Variants in ADK observed in about 807,000 individuals in gnomAD.
The protein encoded by ADK is N6,N6-dimethyladenosine kinase.
A neutral mutation model predicts 44.7 loss-of-function variants in ADK; 24 were observed. The observed-to-expected ratio is 0.54, with a 90% CI of 0.39 to 0.76. The LOEUF is 0.76. Among genes scored for constraint, ADK ranks in the 30% least tolerant of loss-of-function variants. ADK has a pLI of 0.00. For synonymous variants in ADK, 128 were observed against 142.6 expected, an observed-to-expected ratio of 0.90 and a Z score of 0.73; for missense variants, 321 against 425.1, an observed-to-expected ratio of 0.76 and a Z score of 2.15.
At chr10:74,152,124 C>T (rs1841612681) in intron 1 of ADK, among the ~76,000 whole-genome samples, 1 of 152,106 alleles carries the variant, frequency 6.6e-6, no homozygotes, top group Non-Finnish European at 1.5e-5. Flanking sequence ...TTAAAATAGA[C>T]ATATCAAACT....
At chr10:74,354,642 T>C (rs1416327913) in intron 4 of ADK, among the ~76,000 whole-genome samples, 2 of 152,142 alleles carry the variant, frequency 1.3e-5, no homozygotes, top group Non-Finnish European at 2.9e-5. Context: ...ACCACCAGGT[T>C]TGGTGGGAAC....
chr10:74,652,829 C>T (rs1387426676), intron 9 of ADK, among the ~76,000 whole-genome samples: 3 of 151,824 alleles, frequency 2.0e-5, no homozygotes, highest in East Asian at 3.9e-4. Context: ...ACAGTCAGCT[C>T]ATAGCAAACC....
intron 3 of ADK, among the ~76,000 whole-genome samples, chr10:74,237,198 C>A (rs7905039): frequency 0.018 from 2,796 of 152,298 alleles, 95 homozygotes; most frequent in African/African-American, 0.064. Context: ...GTTACTTTAT[C>A]AACTTAAGTT....
At chr10:74,288,955 A>G (rs575223782) in intron 3 of ADK, among the ~76,000 whole-genome samples, 6 of 152,326 alleles carry the variant, frequency 3.9e-5, no homozygotes, top group African/African-American at 1.4e-4. Flanking sequence ...ACTGTATTGC[A>G]GCTGATTTGG....
intron 7 of ADK, among the ~76,000 whole-genome samples, chr10:74,542,898 T>G (rs941824427): frequency 1.3e-4 from 19 of 151,454 alleles, no homozygotes; most frequent in African/African-American, 4.4e-4. Flanking sequence ...ATTTATTTAT[T>G]TATTTATTTA....
chr10:74,533,591 C>T (rs1477703096), intron 7 of ADK, among the ~76,000 whole-genome samples: 1 of 152,196 alleles, frequency 6.6e-6, no homozygotes, highest in African/African-American at 2.4e-5. Flanking sequence ...ACGCAAACTT[C>T]AACCCACGTA....
At chr10:74,467,358 G>A (rs559113359) in intron 6 of ADK, among the ~76,000 whole-genome samples, 45 of 152,176 alleles carry the variant, frequency 3.0e-4, no homozygotes, top group South Asian at 1.0e-3. Context: ...TGCCATTTCT[G>A]GACATCTCTA....
intron 6 of ADK, among the ~76,000 whole-genome samples, chr10:74,476,653 A>G (rs1427389568): frequency 6.6e-6 from 1 of 152,148 alleles, no homozygotes; most frequent in Non-Finnish European, 1.5e-5. Context: ...ACTTTCAGTA[A>G]GTTTATTTCA....
intron 1 of ADK, among the ~76,000 whole-genome samples, chr10:74,192,281 G>A (rs1842978244): frequency 6.6e-6 from 1 of 151,576 alleles, no homozygotes; most frequent in Non-Finnish European, 1.5e-5. Flanking sequence ...AGGCTGGAGT[G>A]CAGTGCCGCG....
chr10:74,398,280 T>C lies in ADK; in HGVS notation c.447-191T>C, dbSNP rs78433410. 1.2e-3 allele frequency among the ~76,000 whole-genome samples: 175 copies of C among 152,172 alleles called. 1 individual carries two copies. In the East Asian group the frequency reaches 0.012, roughly 11 times the overall value. On this transcript the variant is annotated intron_variant, in intron 5 of 10. Transcript: ENST00000539909. The stretch of plus-strand genomic sequence containing the variant: ...ACCAGGTGTTGTTTAGAACAAAAAT[T>C]ATCATAGATGCCTCAGAAAGTTCTC...
At position 74,708,792 on chromosome 10, in the gene ADK, G is replaced by T. The variant is rs1057210925; in HGVS notation, c.*347G>T. 4.2e-6 allele frequency: 1 copy of T among 238,536 alleles called. No individual in the cohort carries two copies. The highest frequency in any genetic ancestry group is 1.1e-4 in the East Asian group (1 of 8,804). 14.8% of individuals were successfully genotyped at this position (238,536 alleles called of 1,614,324 possible). A position where few individuals can be genotyped will look rare whatever the true frequency, so the allele number is the denominator to read the frequency against. ...TTTTTACATTTCTGCTTTGAATGCA[G>T]ATGCAATTTAATATAATAGATTTTT... On this transcript the variant is annotated 3_prime_UTR_variant, in exon 11 of 11. Transcript: ENST00000539909.
chr10:74,435,108 G>T (rs1463240343), intron 6 of ADK, among the ~76,000 whole-genome samples: 1 of 152,152 alleles, frequency 6.6e-6, no homozygotes, highest in African/African-American at 2.4e-5. Flanking sequence ...GGGTGAGAGG[G>T]AAGGTTTGCT....
chr10:74,266,281 G>A (rs1398147375), intron 3 of ADK, among the ~76,000 whole-genome samples: 1 of 152,028 alleles, frequency 6.6e-6, no homozygotes, highest in African/African-American at 2.4e-5. Flanking sequence ...AAAGGCGGCC[G>A]GGCACAGTGG....
intron 3 of ADK, among the ~76,000 whole-genome samples, chr10:74,296,073 T>A (rs1451052613): frequency 1.3e-5 from 2 of 151,954 alleles, no homozygotes; most frequent in African/African-American, 4.8e-5. Context: ...CTCCTTTTTT[T>A]TTTTTTTTTA....
chr10:74,260,255 TTTTG>T (rs533466731), intron 3 of ADK, among the ~76,000 whole-genome samples: 2 of 152,152 alleles, frequency 1.3e-5, no homozygotes, highest in Admixed American at 6.5e-5. Context: ...TTATAGATTC[TTTTG>T]TTTGTTTGTT....
chr10:74,204,613 C>A (rs1300516464), intron 2 of ADK, among the ~76,000 whole-genome samples: 1 of 152,142 alleles, frequency 6.6e-6, no homozygotes, highest in East Asian at 1.9e-4. Context: ...CTAAGACATT[C>A]AGATAGAAAC....
intron 7 of ADK, among the ~76,000 whole-genome samples, chr10:74,570,257 G>A (rs949386401): frequency 1.3e-5 from 2 of 152,112 alleles, no homozygotes; most frequent in African/African-American, 2.4e-5. Context: ...GGCGATGCGG[G>A]CTCTTTTTTG....
rs542469633 is a variant in ADK at position 74,367,124 on chromosome 10, A to G, written c.274-27017A>G. ...TAGAAAGCATAAAAACTGCAAATGC[A>G]TTATATCCTCCATGAAACCAGCTTT... On this transcript the variant is annotated intron_variant, in intron 4 of 10. Coordinates refer to ENST00000539909, the MANE Select transcript of ADK (RefSeq NM_006721.4). Among the ~76,000 whole-genome samples the G allele has an allele frequency of 4.6e-5, 7 of 152,320 alleles. No homozygotes were observed. In the East Asian group the frequency reaches 7.7e-4, roughly 17 times the overall value.
intron 7 of ADK, chr10:74,527,727 T>C: frequency 6.6e-7 from 1 of 1,509,290 alleles, no homozygotes; most frequent in Non-Finnish European, 9.2e-7. Flanking sequence ...GTTTTAGTCA[T>C]ATTCAGACAC....
Sources: allele counts gnomAD v4.1 joint callset (sites outside exome capture counted in the v4.1 genomes callset), GRCh38; gene constraint gnomAD v4.1.1; transcripts MANE v1.5; gene names NCBI Gene and HGNC (gene_info 2026-07-23, HGNC 2026-07-21).